Variants in CPED1 observed in about 807,000 individuals in gnomAD.
CPED1 encodes the protein cadherin like and PC-esterase domain containing 1.
In CPED1, 114 loss-of-function variants were observed where a neutral mutation model predicts 128.2. The observed-to-expected ratio is 0.89, with a 90% CI of 0.76 to 1.04. CPED1 has a LOEUF of 1.04. Among genes scored for constraint, CPED1 ranks in the 50% least tolerant of loss-of-function variants. The pLI is 0.00. For missense variants in CPED1, 1,211 were observed against 1,207.1 expected (o/e 1.00, Z -0.05); for synonymous variants, 462 against 426.7 (o/e 1.08, Z -1.02).
At chr7:121,148,156 A>G (rs1026672757) in intron 16 of CPED1, among the ~76,000 whole-genome samples, 3 of 152,208 alleles carry the variant, frequency 2.0e-5, no homozygotes, top group Admixed American at 2.0e-4. Flanking sequence ...GCCTACTTCA[A>G]TTTACCAGAG....
At chr7:120,994,580 G>A (rs962204060) in intron 2 of CPED1, among the ~76,000 whole-genome samples, 25 of 151,804 alleles carry the variant, frequency 1.6e-4, no homozygotes, top group African/African-American at 6.1e-4. Context: ...AAATGAAATA[G>A]CTGGATAGCC....
chr7:121,058,066 G>T (rs9986684), intron 4 of CPED1, among the ~76,000 whole-genome samples: 5,985 of 152,080 alleles, frequency 0.039, 394 homozygotes, highest in African/African-American at 0.14. Flanking sequence ...AGAAAGTCTT[G>T]GTTGAGGAAC....
chr7:121,005,509 G>C (rs886559281), intron 2 of CPED1, among the ~76,000 whole-genome samples: 3 of 151,910 alleles, frequency 2.0e-5, no homozygotes, highest in Non-Finnish European at 4.4e-5. Context: ...GTCGGCGGGT[G>C]GGGGGCTGGG....
intron 2 of CPED1, among the ~76,000 whole-genome samples, chr7:121,007,731 T>G (rs1449540980): frequency 2.0e-5 from 3 of 152,216 alleles, no homozygotes; most frequent in African/African-American, 7.2e-5. Context: ...ACTGGAATGT[T>G]TTCATTCTCT....
At chr7:121,036,797 T>C (rs1253253289) in intron 3 of CPED1, among the ~76,000 whole-genome samples, 1 of 152,076 alleles carries the variant, frequency 6.6e-6, no homozygotes, top group Non-Finnish European at 1.5e-5. Context: ...CATGCCAACA[T>C]CTATTTTTCT....
rs764871140 is a variant in CPED1, at chr7:121,047,007, A to G, written c.540+14A>G. 2 of 1,491,488 alleles carry G rather than the reference A, an allele frequency of 1.3e-6. No individual in the cohort carries two copies. Among genetic ancestry groups the G allele is most frequent in the Admixed American group, 3.4e-5 (2 of 59,564 alleles). The allele number at this position is 1,491,488 out of a possible 1,614,324, so 92.4% of individuals were successfully genotyped here. ...TTACATCAAAAGGTAAATACTCTCA[A>G]GATGTGCACAGATTTTATCAGCCCT... On this transcript the variant is annotated intron_variant, in intron 4 of 22. Coordinates refer to ENST00000310396, the MANE Select transcript of CPED1 (RefSeq NM_024913.5).
chr7:121,084,562 G>T (rs1794375262), intron 5 of CPED1, among the ~76,000 whole-genome samples: 1 of 152,164 alleles, frequency 6.6e-6, no homozygotes, highest in Middle Eastern at 3.2e-3. Flanking sequence ...TTTCCAAAAT[G>T]GAAACAGCTC....
At chr7:121,178,516 T>A (rs1300873159) in intron 16 of CPED1, among the ~76,000 whole-genome samples, 1 of 152,000 alleles carries the variant, frequency 6.6e-6, no homozygotes, top group African/African-American at 2.4e-5. Flanking sequence ...TGACGATGAA[T>A]CATATGAATC....
At chr7:120,995,873 T>G (rs1796388366) in intron 2 of CPED1, among the ~76,000 whole-genome samples, 1 of 89,098 alleles carries the variant, frequency 1.1e-5, no homozygotes, top group African/African-American at 5.0e-5. Context: ...TTCTTCTTCC[T>G]CTTCTTCTTC....
At chr7:121,044,852 G>A (rs1295304879) in intron 3 of CPED1, among the ~76,000 whole-genome samples, 2 of 151,910 alleles carry the variant, frequency 1.3e-5, no homozygotes, top group African/African-American at 2.4e-5. Flanking sequence ...CGCTTTAGAC[G>A]TAGAGGAATA....
At chr7:121,228,669 C>T (rs1046842273) in intron 16 of CPED1, among the ~76,000 whole-genome samples, 2 of 151,354 alleles carry the variant, frequency 1.3e-5, no homozygotes, top group Non-Finnish European at 2.9e-5. Flanking sequence ...AAAAAACATC[C>T]GTTTATCAAA....
intron 7 of CPED1, among the ~76,000 whole-genome samples, chr7:121,116,983 CACACACACATATATAT>C (rs1167315218): frequency 6.7e-6 from 1 of 148,584 alleles, no homozygotes; most frequent in Non-Finnish European, 1.5e-5. Context: ...TATATACACA[CACACACACATATATAT>C]ACACACACAC....
rs1381356582 is a variant in CPED1, at chr7:121,100,051, GC to G, written c.876del (p.Thr293GlnfsTer23). ...TPLRAFIHST[G>X]TVWNPPKKKR... ...TTGCGTGCATTCATTCATTCGACGG[GC>G]ACAGTTTGGAATCCACCAAAGAAAA... On this transcript the variant is annotated frameshift_variant, in exon 7 of 23. Transcript: ENST00000310396. LOFTEE classifies it high-confidence loss of function. The G allele has an allele frequency of 6.2e-7, 1 of 1,613,402 alleles. No individual in the cohort carries two copies. Among genetic ancestry groups the G allele is most frequent in the East Asian group, 2.2e-5 (1 of 44,866 alleles).
At chr7:121,213,396 C>T (rs573693103) in intron 16 of CPED1, among the ~76,000 whole-genome samples, 3 of 152,128 alleles carry the variant, frequency 2.0e-5, no homozygotes, top group Middle Eastern at 3.4e-3. Flanking sequence ...ATCTGAAGTT[C>T]CTACCCTGGG....
At position 121,244,216 on chromosome 7, in the gene CPED1, C is replaced by T. The variant is rs761946785; in HGVS notation, c.2188C>T (p.Pro730Ser). ...ATCTATTCCAGGCCAGTGGATTGTG[C>T]CTTGCCTTAGTTGTTCGGACAACAG... ...SGDMKGQWIV[P>S]CLSCSDNRTC... Residue 730 changes from proline (P) to serine (S), a missense_variant, in exon 18 of 23, where the codon CCT becomes TCT. By Grantham distance (74) the Pro-to-Ser change is moderately conservative. Coordinates refer to ENST00000310396, the MANE Select transcript of CPED1 (RefSeq NM_024913.5). 2.5e-6 allele frequency: 4 copies of T among 1,614,036 alleles called. No homozygotes were observed. The East Asian group carries it at 8.9e-5, about 36-fold the overall frequency.
At chr7:121,200,628 G>A (rs1196798782) in intron 16 of CPED1, among the ~76,000 whole-genome samples, 1 of 152,054 alleles carries the variant, frequency 6.6e-6, no homozygotes, top group African/African-American at 2.4e-5. Context: ...ACACTTGGCT[G>A]TCTCCCCACA....
At chr7:121,263,769 G>A (rs1159777722) in intron 18 of CPED1, among the ~76,000 whole-genome samples, 1 of 151,860 alleles carries the variant, frequency 6.6e-6, no homozygotes, top group Non-Finnish European at 1.5e-5. Flanking sequence ...AGATATCTAG[G>A]GAGCTCGCTG....
rs1792220807 is a variant in CPED1 at position 121,271,157 on chromosome 7, AAGTTCCTTATCTTAC to A, written c.2722-125_2722-111del. ...CATCTTTATTTAAGAAATGCATGTGAAGTTCCTTATCTTACACTATGACTAATCCCAGTAAAAAAG... is the reference window on the plus strand; with the variant it reads ...CATCTTTATTTAAGAAATGCATGTGAACTATGACTAATCCCAGTAAAAAAG... On this transcript the variant is annotated intron_variant, in intron 21 of 22. Transcript: ENST00000310396. 2.1e-5 allele frequency: 13 copies of A among 628,964 alleles called. No individual in the cohort carries two copies. The South Asian group carries it at 3.8e-4, about 19-fold the overall frequency. 39.0% of individuals were successfully genotyped at this position (628,964 alleles called of 1,614,324 possible). A position where few individuals can be genotyped will look rare whatever the true frequency, so the allele number is the denominator to read the frequency against.
At chr7:121,250,113 C>T (rs1466260244) in intron 18 of CPED1, among the ~76,000 whole-genome samples, 2 of 152,130 alleles carry the variant, frequency 1.3e-5, no homozygotes, top group Non-Finnish European at 2.9e-5. Flanking sequence ...TAAATTATAA[C>T]AAACTGTCTC....
Sources: gnomAD v4.1 joint callset for allele counts (sites outside exome capture counted in the v4.1 genomes callset) on GRCh38, gnomAD v4.1.1 for gene constraint, MANE v1.5 for transcripts, NCBI Gene and HGNC (gene_info 2026-07-23, HGNC 2026-07-21) for gene names.